GPC5: variants seen among roughly 807,000 people sequenced by gnomAD.
GPC5 encodes the protein glypican 5.
Under a neutral mutation model 53.9 loss-of-function variants are expected in GPC5, and 47 were observed. The ratio of observed to expected loss-of-function variants is 0.87; its 90% CI spans 0.69 to 1.11. The LOEUF (loss-of-function observed/expected upper bound fraction) is 1.11. Among genes scored for constraint, GPC5 ranks in the 50% most tolerant of loss-of-function variants. The pLI is 0.00. For missense variants in GPC5, 748 were observed against 713.1 expected, an observed-to-expected ratio of 1.05 and a Z score of -0.56; for synonymous variants, 286 against 263.3, an observed-to-expected ratio of 1.09 and a Z score of -0.84.
At chr13:92,035,088 G>A (rs1347339355) in intron 6 of GPC5, among the ~76,000 whole-genome samples, 2 of 151,990 alleles carry the variant, frequency 1.3e-5, no homozygotes, top group Non-Finnish European at 2.9e-5. Context: ...GATGGCAGGC[G>A]CCTGTTGTCC....
intron 6 of GPC5, among the ~76,000 whole-genome samples, chr13:92,104,072 A>C (rs1320445693): frequency 2.6e-5 from 4 of 152,074 alleles, no homozygotes; most frequent in African/African-American, 9.7e-5. Context: ...GCATTGAGAG[A>C]GCTATAAATC....
intron 6 of GPC5, among the ~76,000 whole-genome samples, chr13:91,981,383 G>A (rs577843931): frequency 1.3e-4 from 19 of 151,648 alleles, no homozygotes; most frequent in African/African-American, 2.2e-4. Flanking sequence ...TCCGCCTCCC[G>A]GGTTCACGCC....
At chr13:92,582,957 C>T (rs1883417156) in intron 7 of GPC5, among the ~76,000 whole-genome samples, 1 of 151,996 alleles carries the variant, frequency 6.6e-6, no homozygotes, top group Admixed American at 6.6e-5. Flanking sequence ...AACTATTTTC[C>T]TTCCTATTTG....
intron 6 of GPC5, among the ~76,000 whole-genome samples, chr13:92,088,391 A>G (rs1451140627): frequency 6.6e-6 from 1 of 152,176 alleles, no homozygotes; most frequent in Admixed American, 6.5e-5. Flanking sequence ...GGACGGGGGA[A>G]AAGCTGGGCT....
intron 5 of GPC5, among the ~76,000 whole-genome samples, chr13:91,812,819 G>A (rs1431112963): frequency 6.6e-6 from 1 of 152,124 alleles, no homozygotes. Flanking sequence ...CTCAATAGCA[G>A]AAATGAAGAC....
intron 6 of GPC5, among the ~76,000 whole-genome samples, chr13:92,108,248 C>T (rs957539931): frequency 1.2e-4 from 19 of 152,094 alleles, no homozygotes; most frequent in African/African-American, 1.9e-4. Context: ...ATGTCAACTG[C>T]GTGATGGGTA....
intron 6 of GPC5, among the ~76,000 whole-genome samples, chr13:91,963,478 A>C (rs908460672): frequency 1.3e-5 from 2 of 152,228 alleles, no homozygotes; most frequent in Non-Finnish European, 2.9e-5. Context: ...GAACACATAA[A>C]GTCAAAATGG....
chr13:91,922,912 C>T (rs539486992), intron 6 of GPC5, among the ~76,000 whole-genome samples: 4 of 152,110 alleles, frequency 2.6e-5, no homozygotes, highest in African/African-American at 9.7e-5. Flanking sequence ...AGAAACCTCT[C>T]TAGCTTTTTC....
At chr13:91,874,717 T>C (rs1434515951) in intron 5 of GPC5, among the ~76,000 whole-genome samples, 1 of 152,218 alleles carries the variant, frequency 6.6e-6, no homozygotes, top group Admixed American at 6.5e-5. Flanking sequence ...AGGGTTTTGC[T>C]GAAAGTGCAT....
At chr13:91,504,564 TAATAAAGGATGTTATGCAGAGTGGTGGAA>T (rs1462024659) in intron 2 of GPC5, among the ~76,000 whole-genome samples, 1 of 152,050 alleles carries the variant, frequency 6.6e-6, no homozygotes, top group East Asian at 1.9e-4. Flanking sequence ...TAAAAGCAAA[TAATAAAGGATGTTATGCAGAGTGGTGGAA>T]AATAAATACG....
chr13:91,970,563 C>CG (rs1458729726), intron 6 of GPC5, among the ~76,000 whole-genome samples: 2 of 151,820 alleles, frequency 1.3e-5, no homozygotes, highest in African/African-American at 2.4e-5. Context: ...CATTAAGTAA[C>CG]ACAGTTTGTA....
At chr13:91,470,058 C>A (rs545871551) in intron 2 of GPC5, among the ~76,000 whole-genome samples, 5 of 152,024 alleles carry the variant, frequency 3.3e-5, no homozygotes, top group Non-Finnish European at 5.9e-5. Flanking sequence ...ATAACAACAA[C>A]AAACCCTCCC....
At chr13:91,484,090 T>A (rs538394811) in intron 2 of GPC5, among the ~76,000 whole-genome samples, 76 of 152,340 alleles carry the variant, frequency 5.0e-4, no homozygotes, top group African/African-American at 9.4e-4. Context: ...GTACTTTTTT[T>A]AAAATGAGCT....
At chr13:91,969,458 T>A (rs977703482) in intron 6 of GPC5, among the ~76,000 whole-genome samples, 10 of 152,130 alleles carry the variant, frequency 6.6e-5, no homozygotes, top group African/African-American at 2.2e-4. Flanking sequence ...TTGGCACTGG[T>A]CTTGATGGTA....
intron 7 of GPC5, among the ~76,000 whole-genome samples, chr13:92,296,204 GC>G (rs2043033171): frequency 6.6e-6 from 1 of 152,154 alleles, no homozygotes; most frequent in African/African-American, 2.4e-5. Context: ...AGGATTCTTA[GC>G]TTTGGTGGTT....
At chr13:91,595,248 G>A (rs1431400932) in intron 2 of GPC5, among the ~76,000 whole-genome samples, 1 of 151,860 alleles carries the variant, frequency 6.6e-6, no homozygotes, top group Non-Finnish European at 1.5e-5. Flanking sequence ...CGTTCTCTTG[G>A]TGTGATCCAC....
At chr13:91,405,789 C>G (rs1271431920) in intron 1 of GPC5, among the ~76,000 whole-genome samples, 1 of 152,066 alleles carries the variant, frequency 6.6e-6, no homozygotes, top group Non-Finnish European at 1.5e-5. Flanking sequence ...TTTTGTTGTT[C>G]AGACAGGGTC....
At chr13:92,732,917 C>T (rs1888844496) in intron 7 of GPC5, among the ~76,000 whole-genome samples, 1 of 151,608 alleles carries the variant, frequency 6.6e-6, no homozygotes, top group Non-Finnish European at 1.5e-5. Context: ...TTTTATTCTT[C>T]CCACTCCAAT....
chr13:91,683,049 A>T (rs2035543608), intron 2 of GPC5, among the ~76,000 whole-genome samples: 1 of 151,942 alleles, frequency 6.6e-6, no homozygotes, highest in African/African-American at 2.4e-5. Flanking sequence ...AAAAAAAAAA[A>T]GGTCTTTGCA....
Sources: allele counts gnomAD v4.1 joint callset (sites outside exome capture counted in the v4.1 genomes callset), GRCh38; gene constraint gnomAD v4.1.1; transcripts MANE v1.5; gene names NCBI Gene and HGNC (gene_info 2026-07-23, HGNC 2026-07-21).